CRISP2: variants seen among roughly 807,000 people sequenced by gnomAD.
CRISP2 encodes cysteine rich secretory protein 2.
CRISP2 carries 29 observed loss-of-function variants against 31.7 expected under a neutral mutation model. The observed-to-expected ratio is 0.92, with a 90% CI of 0.68 to 1.25. The LOEUF (loss-of-function observed/expected upper bound fraction) is 1.25. CRISP2 is among the 50% of genes most tolerant of loss of function. CRISP2 has a pLI of 0.00. For missense variants in CRISP2, 318 were observed against 286.5 expected (o/e 1.11, Z -0.79); for synonymous variants, 111 against 101.4 (o/e 1.09, Z -0.57).
chr6:49,707,565 T>A (rs1019178717), intron 4 of CRISP2, among the ~76,000 whole-genome samples: 1 of 152,170 alleles, frequency 6.6e-6, no homozygotes, highest in Non-Finnish European at 1.5e-5. Flanking sequence ...AAAGAAAATC[T>A]TTCAGGGAAA....
At chr6:49,701,525 T>TATATATATATAC (rs1554135518) in intron 4 of CRISP2, among the ~76,000 whole-genome samples, 2 of 81,096 alleles carry the variant, frequency 2.5e-5, no homozygotes, top group African/African-American at 1.1e-4. Context: ...TATATATATA[T>TATATATATATAC]ACACACACAC....
chr6:49,699,695 G>A, intron 6 of CRISP2, 109 bp downstream of exon 6: 1 of 755,398 alleles, frequency 1.3e-6, no homozygotes, highest in Admixed American at 2.4e-5. Context: ...AAAGACAGCA[G>A]TATAAGTAAC....
chr6:49,688,465 A>T (rs1294811797), downstream of CRISP2, among the ~76,000 whole-genome samples: 2 of 152,194 alleles, frequency 1.3e-5, no homozygotes, highest in Non-Finnish European at 2.9e-5. Flanking sequence ...TTAAAATATT[A>T]TCTGCCACAA....
rs1370386340 is a variant in CRISP2, at chr6:49,701,743, GTA to G, written c.67-961_67-960del. On this transcript the variant is annotated intron_variant, in intron 4 of 9. Transcript: ENST00000339139. ...TGTATATATAATGTATATATACACG[GTA>G]TATATATAATGTATACATTATATAT... Among the ~76,000 whole-genome samples the G allele has an allele frequency of 2.7e-3, 235 of 86,922 alleles. 14 individuals are homozygous for G. The highest frequency in any genetic ancestry group is 0.011 in the African/African-American group (232 of 21,716). The allele number at this position is 86,922 out of a possible 152,430, so 57.0% of individuals were successfully genotyped here.
At chr6:49,690,954 G>A (rs1764031142), downstream of CRISP2, among the ~76,000 whole-genome samples, 1 of 151,268 alleles carries the variant, frequency 6.6e-6, no homozygotes, top group Non-Finnish European at 1.5e-5. Context: ...TGGTATAGAG[G>A]GTTTTTTTTT....
chr6:49,712,892 A>C (rs776053724), intron 1 of CRISP2, among the ~76,000 whole-genome samples: 8 of 152,160 alleles, frequency 5.3e-5, no homozygotes, highest in Non-Finnish European at 1.2e-4. Flanking sequence ...ACCTTTTTTC[A>C]AGACTCCCAA....
downstream of CRISP2, among the ~76,000 whole-genome samples, chr6:49,689,809 C>G (rs1763992981): frequency 6.6e-6 from 1 of 152,086 alleles, no homozygotes. Flanking sequence ...GAATCCCCCT[C>G]TCCTCACTAT....
intron 4 of CRISP2, among the ~76,000 whole-genome samples, chr6:49,701,500 GTATATATA>G (rs1165518459): frequency 1.7e-4 from 8 of 46,550 alleles, no homozygotes; most frequent in East Asian, 3.3e-3. Context: ...GTGTGTGTGT[GTATATATA>G]TATATATATA....
chr6:49,711,677 C>G (rs1768035169), intron 2 of CRISP2, among the ~76,000 whole-genome samples: 1 of 152,180 alleles, frequency 6.6e-6, no homozygotes, highest in Non-Finnish European at 1.5e-5. Context: ...TGCCTTATAG[C>G]TGAACTCTCA....
At chr6:49,690,507 T>C (rs1764016714), downstream of CRISP2, among the ~76,000 whole-genome samples, 1 of 151,926 alleles carries the variant, frequency 6.6e-6, no homozygotes, top group South Asian at 2.1e-4. Context: ...CAGAAATCAA[T>C]GAATTATGGG....
At chr6:49,689,099 C>T (rs537326291), downstream of CRISP2, among the ~76,000 whole-genome samples, 1 of 151,998 alleles carries the variant, frequency 6.6e-6, no homozygotes, top group South Asian at 2.1e-4. Context: ...CTGATCCTGA[C>T]CTCAGGTGAT....
At chr6:49,698,059 G>C in intron 7 of CRISP2, 102 bp from the exon 8 acceptor site, 3 of 871,430 alleles carry the variant, frequency 3.4e-6, no homozygotes, top group Non-Finnish European at 3.4e-6. Flanking sequence ...TAGTTTTATA[G>C]ACATATACCA....
intron 8 of CRISP2, among the ~76,000 whole-genome samples, chr6:49,696,561 A>G (rs1309355789): frequency 6.7e-6 from 1 of 148,880 alleles, no homozygotes; most frequent in African/African-American, 2.5e-5. Flanking sequence ...ATGGAATATT[A>G]GTTTTTGTTA....
chr6:49,691,417 A>G (rs360561), downstream of CRISP2, among the ~76,000 whole-genome samples: 11,430 of 152,096 alleles, frequency 0.075, 848 homozygotes, highest in African/African-American at 0.19. Flanking sequence ...TATACAATGA[A>G]TATATTCTAT....
the CRISP2 span, among the ~76,000 whole-genome samples, chr6:49,679,931 C>T: frequency 6.6e-6 from 1 of 152,108 alleles, no homozygotes; most frequent in African/African-American, 2.4e-5. Context: ...GTCTCGAACT[C>T]CTGACCTCAG....
chr6:49,713,327 T>G (rs992451851), intron 1 of CRISP2, 148 bp downstream of exon 1: 1 of 152,218 alleles, frequency 6.6e-6, no homozygotes, highest in East Asian at 1.9e-4. Context: ...ACTCTCAGTC[T>G]GCCCGGCATT....
the CRISP2 span, among the ~76,000 whole-genome samples, chr6:49,679,276 C>G: frequency 6.6e-6 from 1 of 152,112 alleles, no homozygotes; most frequent in East Asian, 1.9e-4. Flanking sequence ...TAAATTCCAT[C>G]TTAGTTACTA....
At chr6:49,702,113 A>G (rs1304133160) in intron 4 of CRISP2, among the ~76,000 whole-genome samples, 17 of 26,628 alleles carry the variant, frequency 6.4e-4, no homozygotes, top group African/African-American at 2.6e-3. Context: ...GTATACTTAT[A>G]TATGTATACA....
downstream of CRISP2, among the ~76,000 whole-genome samples, chr6:49,690,293 A>G (rs1346591657): frequency 6.6e-6 from 1 of 152,114 alleles, no homozygotes; most frequent in Non-Finnish European, 1.5e-5. Context: ...TCCTGGGGTA[A>G]CTTAATATTT....
Sources: gnomAD v4.1 joint callset for allele counts (sites outside exome capture counted in the v4.1 genomes callset) on GRCh38, gnomAD v4.1.1 for gene constraint, MANE v1.5 for transcripts, NCBI Gene and HGNC (gene_info 2026-07-23, HGNC 2026-07-21) for gene names.